The following SORCS2 variants were observed in gnomAD, a reference collection of about 807,000 sequenced individuals.
The protein encoded by SORCS2 is sortilin related VPS10 domain containing receptor 2.
A neutral mutation model predicts 141.6 loss-of-function variants in SORCS2; 100 were observed. The ratio of observed to expected loss-of-function variants is 0.71; its 90% CI spans 0.60 to 0.83. The LOEUF (loss-of-function observed/expected upper bound fraction) is 0.83. Among genes scored for constraint, SORCS2 ranks in the 40% least tolerant of loss-of-function variants. The pLI is 0.00. For synonymous variants in SORCS2, 789 were observed against 676.9 expected (o/e 1.17, Z -2.57); for missense variants, 1,646 against 1,560.2 (o/e 1.05, Z -0.93).
chr4:7,241,775 T>G (rs898429184), intron 1 of SORCS2, among the ~76,000 whole-genome samples: 5 of 152,208 alleles, frequency 3.3e-5, no homozygotes, highest in African/African-American at 1.2e-4. Context: ...CACATCCGTT[T>G]GCTGAAAGTG....
chr4:7,308,871 G>T (rs1392590449), intron 1 of SORCS2, among the ~76,000 whole-genome samples: 1 of 152,130 alleles, frequency 6.6e-6, no homozygotes, highest in South Asian at 2.1e-4. Context: ...CACAGACCCT[G>T]CCCGTGCACA....
intron 14 of SORCS2, among the ~76,000 whole-genome samples, chr4:7,711,883 C>T (rs1451304202): frequency 6.6e-6 from 1 of 152,168 alleles, no homozygotes; most frequent in Non-Finnish European, 1.5e-5. Flanking sequence ...CAGGGAATCC[C>T]CAGCACCTTT....
chr4:7,545,763 A>T (rs10470724), intron 3 of SORCS2, among the ~76,000 whole-genome samples: 1 of 152,160 alleles, frequency 6.6e-6, no homozygotes, highest in Non-Finnish European at 1.5e-5. Context: ...TATAAAGTAA[A>T]CCTTCTGCTG....
chr4:7,239,395 C>T (rs13102284), intron 1 of SORCS2, among the ~76,000 whole-genome samples: 54,361 of 152,200 alleles, frequency 0.36, 10,862 homozygotes, highest in Admixed American at 0.47. Flanking sequence ...TTGGAGTCCC[C>T]GTGGCCGGGA....
At chr4:7,238,714 G>C (rs903875585) in intron 1 of SORCS2, among the ~76,000 whole-genome samples, 1 of 152,200 alleles carries the variant, frequency 6.6e-6, no homozygotes, top group South Asian at 2.1e-4. Flanking sequence ...GTCTGGGTTT[G>C]AATCCAGCTC....
At chr4:7,371,125 T>G (rs529157339) in intron 1 of SORCS2, among the ~76,000 whole-genome samples, 1 of 152,030 alleles carries the variant, frequency 6.6e-6, no homozygotes, top group African/African-American at 2.4e-5. Flanking sequence ...ACATGGAGAG[T>G]TGGGGCACAG....
chr4:7,630,096 C>A (rs1332261158), intron 3 of SORCS2, among the ~76,000 whole-genome samples: 1 of 152,194 alleles, frequency 6.6e-6, no homozygotes, highest in Admixed American at 6.5e-5. Context: ...CCCTACCCTG[C>A]AGGCAGTCAG....
intron 5 of SORCS2, 106 bp from the exon 6 acceptor site, chr4:7,661,394 G>C (rs943620968): frequency 1.6e-6 from 2 of 1,218,272 alleles, no homozygotes; most frequent in African/African-American, 3.0e-5. Context: ...AGCAAGGGCG[G>C]CTTCAGAACC....
intron 2 of SORCS2, among the ~76,000 whole-genome samples, chr4:7,468,185 C>T (rs112908968): frequency 0.022 from 3,294 of 152,318 alleles, 118 homozygotes; most frequent in African/African-American, 0.075. Context: ...CCCCTAAGTA[C>T]TGATTACAAG....
chr4:7,453,951 T>C (rs2109302321), intron 2 of SORCS2, among the ~76,000 whole-genome samples: 1 of 105,538 alleles, frequency 9.5e-6, no homozygotes, highest in East Asian at 2.7e-4. Context: ...TCAGGAGCTG[T>C]GTGTTGGGGT....
At chr4:7,502,794 GC>G (rs58340856) in intron 2 of SORCS2, among the ~76,000 whole-genome samples, 78,058 of 152,198 alleles carry the variant, frequency 0.51, 23,161 homozygotes, top group East Asian at 0.93. Flanking sequence ...GAGCAGGGAA[GC>G]CGGCCTTGCC....
intron 10 of SORCS2, among the ~76,000 whole-genome samples, chr4:7,683,385 C>G (rs1304902688): frequency 2.0e-5 from 3 of 148,852 alleles, no homozygotes; most frequent in African/African-American, 7.5e-5. Context: ...CTGGGTGGCT[C>G]TGCTGATCTT....
At chr4:7,472,349 T>C (rs1160910424) in intron 2 of SORCS2, among the ~76,000 whole-genome samples, 2 of 151,448 alleles carry the variant, frequency 1.3e-5, no homozygotes, top group Non-Finnish European at 2.9e-5. Flanking sequence ...GTTTACTGAG[T>C]GGGAAAGGGC....
chr4:7,497,137 G>A (rs9647418), intron 2 of SORCS2, among the ~76,000 whole-genome samples: 135,034 of 152,298 alleles, frequency 0.89, 61,545 homozygotes, highest in South Asian at 0.99. Flanking sequence ...GGCAGTGGCC[G>A]AAGCCTCAGG....
Position 7,340,828 on chromosome 4 carries a change from C to T in SORCS2, c.481-55460C>T, listed in dbSNP as rs144737708. 2.9e-3 allele frequency among the ~76,000 whole-genome samples: 442 copies of T among 152,340 alleles called. 5 individuals carry two copies. Among genetic ancestry groups the T allele is most frequent in the East Asian group, 0.013 (66 of 5,186 alleles). On this transcript the variant is annotated intron_variant, in intron 1 of 26. Coordinates refer to ENST00000507866, the MANE Select transcript of SORCS2 (RefSeq NM_020777.3). ...GCTTGGGACCCATTGAGAAATAAGACGCACAAGCCAAACTTTAGAGATCAA... is the reference window on the plus strand; with the variant it reads ...GCTTGGGACCCATTGAGAAATAAGATGCACAAGCCAAACTTTAGAGATCAA...
At chr4:7,586,051 A>C (rs1315763540) in intron 3 of SORCS2, among the ~76,000 whole-genome samples, 8 of 152,210 alleles carry the variant, frequency 5.3e-5, no homozygotes, top group African/African-American at 1.9e-4. Context: ...CTTGTCTTGG[A>C]CATGCTGAGC....
At chr4:7,620,091 T>TGCTGGGCTGGGGACC (rs1560431517) in intron 3 of SORCS2, among the ~76,000 whole-genome samples, 2 of 151,920 alleles carry the variant, frequency 1.3e-5, no homozygotes, top group Non-Finnish European at 2.9e-5. Context: ...CTCCTTCATC[T>TGCTGGGCTGGGGACC]GCTGGGCTGG....
intron 1 of SORCS2, among the ~76,000 whole-genome samples, chr4:7,363,067 C>T (rs1165967942): frequency 8.1e-5 from 12 of 148,924 alleles, no homozygotes; most frequent in Admixed American, 1.3e-4. Context: ...CCATCACTAC[C>T]GTCATACATC....
intron 14 of SORCS2, among the ~76,000 whole-genome samples, chr4:7,710,444 T>C (rs1725752750): frequency 6.6e-6 from 1 of 151,988 alleles, no homozygotes; most frequent in Non-Finnish European, 1.5e-5. Context: ...ATACCTTCCA[T>C]AATGCCACAG....
Sources: gnomAD v4.1 joint callset for allele counts (sites outside exome capture counted in the v4.1 genomes callset) on GRCh38, gnomAD v4.1.1 for gene constraint, MANE v1.5 for transcripts, NCBI Gene and HGNC (gene_info 2026-07-23, HGNC 2026-07-21) for gene names.